The following ARK2C variants were observed in gnomAD, a reference collection of about 807,000 sequenced individuals.
The protein encoded by ARK2C is E3 ubiquitin-protein ligase ARK2C.
the ARK2C span, among the ~76,000 whole-genome samples, chr18:46,341,336 G>T: frequency 0.77 from 105,212 of 136,704 alleles, 40,407 homozygotes; most frequent in East Asian, 0.91. Flanking sequence ...TGGGACAGGC[G>T]TGGGGGGTAG....
the ARK2C span, chr18:46,457,315 G>C: frequency 1.3e-5 from 2 of 151,862 alleles, no homozygotes; most frequent in Admixed American, 6.6e-5. Context: ...GGAGGCGGGA[G>C]GGGGGGGTTC....
At chr18:46,435,816 G>A in the ARK2C span, among the ~76,000 whole-genome samples, 3 of 152,278 alleles carry the variant, frequency 2.0e-5, no homozygotes, top group Non-Finnish European at 4.4e-5. Flanking sequence ...GAAGTGCCAG[G>A]GCATGCCAGC....
chr18:46,388,318 G>GAAATA, the ARK2C span, among the ~76,000 whole-genome samples: 1 of 152,110 alleles, frequency 6.6e-6, no homozygotes, highest in African/African-American at 2.4e-5. Context: ...AAGTTGGCAG[G>GAAATA]AAACAAAACA....
At chr18:46,400,083 A>T in the ARK2C span, among the ~76,000 whole-genome samples, 1 of 152,090 alleles carries the variant, frequency 6.6e-6, no homozygotes, top group Non-Finnish European at 1.5e-5. Context: ...CCCCCACGGT[A>T]CCTCTTACCC....
At chr18:46,460,966 T>G in the ARK2C span, 1 of 142,634 alleles carries the variant, frequency 7.0e-6, no homozygotes, top group East Asian at 2.0e-4. Flanking sequence ...CCTCCCTCGC[T>G]CCTCCCACAA....
At chr18:46,427,373 C>T in the ARK2C span, among the ~76,000 whole-genome samples, 6 of 147,752 alleles carry the variant, frequency 4.1e-5, no homozygotes, top group Non-Finnish European at 7.7e-5. Flanking sequence ...GGTTGGTGCT[C>T]CTCCTAATGA....
At chr18:46,391,122 T>C in the ARK2C span, among the ~76,000 whole-genome samples, 2 of 152,286 alleles carry the variant, frequency 1.3e-5, no homozygotes, top group African/African-American at 4.8e-5. Context: ...GAGGACAAAA[T>C]GGCACCAATC....
the ARK2C span, chr18:46,450,735 A>C: frequency 6.2e-7 from 1 of 1,613,936 alleles, no homozygotes; most frequent in Admixed American, 1.7e-5. Flanking sequence ...AGGTTGGGTA[A>C]TGTGACTCGG....
chr18:46,367,548 G>A, the ARK2C span, among the ~76,000 whole-genome samples: 3 of 152,116 alleles, frequency 2.0e-5, no homozygotes, highest in Admixed American at 6.5e-5. Context: ...TGGGTCTATT[G>A]GACCCATTGC....
At chr18:46,399,631 G>A in the ARK2C span, among the ~76,000 whole-genome samples, 1 of 152,160 alleles carries the variant, frequency 6.6e-6, no homozygotes, top group Non-Finnish European at 1.5e-5. Flanking sequence ...GCCTGGCCAG[G>A]CCTGCCCTCT....
At chr18:46,381,895 G>T in the ARK2C span, among the ~76,000 whole-genome samples, 1 of 152,086 alleles carries the variant, frequency 6.6e-6, no homozygotes, top group Non-Finnish European at 1.5e-5. Flanking sequence ...CCGGCGAGCA[G>T]GTGTCTTTGG....
At chr18:46,418,642 A>G in the ARK2C span, among the ~76,000 whole-genome samples, 1 of 152,242 alleles carries the variant, frequency 6.6e-6, no homozygotes, top group Non-Finnish European at 1.5e-5. Flanking sequence ...CTGCTTCCCT[A>G]GCACCTAGAA....
the ARK2C span, among the ~76,000 whole-genome samples, chr18:46,419,682 G>C: frequency 6.6e-6 from 1 of 152,202 alleles, no homozygotes; most frequent in Admixed American, 6.5e-5. Flanking sequence ...AACAGGGGTG[G>C]GAGGCAGGGC....
chr18:46,386,551 C>T, the ARK2C span: 1 of 104,626 alleles, frequency 9.6e-6, no homozygotes, highest in East Asian at 2.9e-4. Context: ...CCCATCAATC[C>T]ATCCATCCAT....
At chr18:46,404,755 A>AAC in the ARK2C span, among the ~76,000 whole-genome samples, 127 of 151,008 alleles carry the variant, frequency 8.4e-4, no homozygotes, top group Non-Finnish European at 1.6e-3. Flanking sequence ...TCCATCTCAA[A>AAC]ACACACACAC....
the ARK2C span, among the ~76,000 whole-genome samples, chr18:46,349,209 A>T: frequency 6.6e-6 from 1 of 152,110 alleles, no homozygotes; most frequent in East Asian, 1.9e-4. Context: ...AATGCCATAG[A>T]CTGGGTGGCT....
the ARK2C span, among the ~76,000 whole-genome samples, chr18:46,392,691 C>T: frequency 6.6e-6 from 1 of 152,196 alleles, no homozygotes; most frequent in African/African-American, 2.4e-5. Context: ...TGACACGGTC[C>T]TGTGCCTTGT....
the ARK2C span, among the ~76,000 whole-genome samples, chr18:46,367,458 G>T: frequency 2.0e-5 from 3 of 152,202 alleles, no homozygotes; most frequent in East Asian, 3.9e-4. Flanking sequence ...AAAAGAAGTG[G>T]CTCTGGTTCT....
At chr18:46,415,432 A>G in the ARK2C span, among the ~76,000 whole-genome samples, 1 of 152,114 alleles carries the variant, frequency 6.6e-6, no homozygotes, top group Non-Finnish European at 1.5e-5. Context: ...AGGCTGAGGC[A>G]GAAGAATGGC....
Sources: gnomAD v4.1 joint callset for allele counts (sites outside exome capture counted in the v4.1 genomes callset) on GRCh38, gnomAD v4.1.1 for gene constraint, MANE v1.5 for transcripts, NCBI Gene and HGNC (gene_info 2026-07-23, HGNC 2026-07-21) for gene names.